Variants in ZNF236 observed in about 807,000 individuals in gnomAD.
The protein encoded by ZNF236 is regulated by glucose.
Under a neutral mutation model 191.2 loss-of-function variants are expected in ZNF236, and 50 were observed. The ratio of observed to expected loss-of-function variants is 0.26; its 90% CI spans 0.21 to 0.33. The LOEUF is 0.33. Ranked by LOEUF, ZNF236 falls within the 10% of genes least tolerant of loss-of-function variation. The pLI is 1.00. For missense variants in ZNF236, 1,754 were observed against 2,374.5 expected, an observed-to-expected ratio of 0.74 and a Z score of 5.43; for synonymous variants, 907 against 928.8, an observed-to-expected ratio of 0.98 and a Z score of 0.43.
intron 19 of ZNF236, among the ~76,000 whole-genome samples, chr18:76,917,235 A>G (rs1221560729): frequency 1.3e-5 from 2 of 152,236 alleles, no homozygotes; most frequent in Admixed American, 1.3e-4. Context: ...CATAAAGTAT[A>G]AAAAGAAAAT....
chr18:76,949,826 T>A (rs1968359130), intron 27 of ZNF236, among the ~76,000 whole-genome samples: 1 of 151,904 alleles, frequency 6.6e-6, no homozygotes, highest in Admixed American at 6.6e-5. Flanking sequence ...ACCTGGCTAA[T>A]TTTTGTATTT....
chr18:76,891,873 G>A (rs1977245892), intron 9 of ZNF236, among the ~76,000 whole-genome samples: 1 of 152,052 alleles, frequency 6.6e-6, no homozygotes, highest in Non-Finnish European at 1.5e-5. Flanking sequence ...TTATTCAAGT[G>A]TTCTGAGTGT....
At chr18:76,959,614 T>C in intron 28 of ZNF236, 73 bp from the exon 29 acceptor site, 1 of 1,521,752 alleles carries the variant, frequency 6.6e-7, no homozygotes, top group Non-Finnish European at 8.8e-7. Context: ...TTTGCAGTGA[T>C]TTGCTTCCTC....
rs924687941 is a variant in ZNF236 at position 76,919,042 on chromosome 18, T to C, written c.3275-734T>C. 2.6e-5 allele frequency among the ~76,000 whole-genome samples: 4 copies of C among 152,236 alleles called. No individual in the cohort carries two copies. The highest frequency in any genetic ancestry group is 9.6e-5 in the African/African-American group (4 of 41,470). The stretch of plus-strand genomic sequence containing the variant: ...TTTTTAGTTGGGGGCTGTTTGCTAA[T>C]TTATTAATTTGGTCTCCCATTTTTG... On this transcript the variant is annotated intron_variant, in intron 19 of 30. Transcript: ENST00000320610. The surrounding 1 kb of genome is among the most constrained non-coding windows in gnomAD (Gnocchi z 5.3).
At position 76,927,999 on chromosome 18, in the gene ZNF236, C is replaced by T. The variant is rs1210346732; in HGVS notation, c.4487C>T (p.Thr1496Ile). Residue 1496 changes from threonine (T) to isoleucine (I), a missense_variant, in exon 25 of 31, where the codon ACC (threonine) becomes ATC (isoleucine). Transcript: ENST00000320610. This position sits in a 1 kb window ranked among gnomAD's most constrained non-coding sequence, Gnocchi z 5.4. ...VSPSGGPHEI[T>I]LTINNSSLSQ... The stretch of plus-strand genomic sequence containing the variant: ...CCCTCCGGCGGTCCCCACGAGATCA[C>T]CCTGACCATTAACAACTCCAGCCTG... The T allele has an allele frequency of 1.9e-6, 3 of 1,614,020 alleles. No homozygotes were observed. Among genetic ancestry groups the T allele is most frequent in the Admixed American group, 1.7e-5 (1 of 59,976 alleles).
chr18:76,885,190 A>G (rs1361190652), intron 9 of ZNF236: 1 of 152,582 alleles, frequency 6.6e-6, no homozygotes, highest in Admixed American at 6.5e-5. Context: ...GCGGCGTGCG[A>G]GGAGGGCAGG....
At chr18:76,907,793 A>G (rs931132753) in intron 13 of ZNF236, among the ~76,000 whole-genome samples, 1 of 150,600 alleles carries the variant, frequency 6.6e-6, no homozygotes, top group Non-Finnish European at 1.5e-5. Context: ...TGCTGGATAC[A>G]CTTTGTGTAT....
At position 76,836,857 on chromosome 18, in the gene ZNF236, G is replaced by A. The variant is rs528149516; in HGVS notation, c.56-12669G>A. ...CTCCCAAAGTGCGGGGATTACAGGC[G>A]TGAGCCACCGCGCCCGGCCTATTTA... On this transcript the variant is annotated intron_variant, in intron 1 of 30. Coordinates refer to ENST00000320610, the MANE Select transcript of ZNF236 (RefSeq NM_001306089.2). Among the ~76,000 whole-genome samples, 3 of 151,662 alleles carry A rather than the reference G, an allele frequency of 2.0e-5. No homozygotes were observed. The East Asian group carries it at 5.9e-4, about 30-fold the overall frequency.
chr18:76,960,870 C>T lies in ZNF236; in HGVS notation c.5419+15C>T. ...CAGCTATGCTGGTGAGAATGCTGCACCCGGGAGTGCGTGCTGTTCGGTGGC... is the reference window on the plus strand; with the variant it reads ...CAGCTATGCTGGTGAGAATGCTGCATCCGGGAGTGCGTGCTGTTCGGTGGC... On this transcript the variant is annotated intron_variant, in intron 30 of 30. Coordinates refer to ENST00000320610, the MANE Select transcript of ZNF236 (RefSeq NM_001306089.2). This position sits in a 1 kb window ranked among gnomAD's most constrained non-coding sequence, Gnocchi z 4.4. 6.2e-7 allele frequency: 1 copy of T among 1,602,924 alleles called. No homozygotes were observed. Among genetic ancestry groups the T allele is most frequent in the Non-Finnish European group, 8.5e-7 (1 of 1,172,654 alleles).
At chr18:76,900,161 A>G (rs1269697412) in intron 11 of ZNF236, among the ~76,000 whole-genome samples, 1 of 152,232 alleles carries the variant, frequency 6.6e-6, no homozygotes, top group African/African-American at 2.4e-5. Flanking sequence ...ATTCCAAAGC[A>G]TAACCTTTAT....
chr18:76,896,013 A>G (rs1308750245), intron 10 of ZNF236, among the ~76,000 whole-genome samples: 1 of 152,046 alleles, frequency 6.6e-6, no homozygotes, highest in African/African-American at 2.4e-5. Flanking sequence ...GACCGTACAC[A>G]GTACCAAACA....
chr18:76,944,996 A>G (rs567002107), intron 26 of ZNF236, among the ~76,000 whole-genome samples: 1 of 152,316 alleles, frequency 6.6e-6, no homozygotes, highest in East Asian at 1.9e-4. Flanking sequence ...ATAATATCAC[A>G]AACAGTTGTT....
intron 9 of ZNF236, chr18:76,886,748 T>G (rs187641021): frequency 6.5e-6 from 1 of 153,876 alleles, no homozygotes; most frequent in Non-Finnish European, 1.5e-5. Context: ...TCATCATAAG[T>G]TCCTTTGTGG....
intron 1 of ZNF236, among the ~76,000 whole-genome samples, chr18:76,824,862 G>A (rs897440032): frequency 6.6e-6 from 1 of 152,122 alleles, no homozygotes; most frequent in Non-Finnish European, 1.5e-5. Context: ...CTCCCTCTCC[G>A]GGCTGGAGAG....
chr18:76,878,133 A>G lies in ZNF236; in HGVS notation c.965A>G (p.Glu322Gly). Residue 322 changes from glutamate to glycine, a missense_variant, in exon 7 of 31, where the codon GAG (glutamate) becomes GGG (glycine). Glu to Gly is a moderately conservative substitution (Grantham distance 98). Coordinates refer to ENST00000320610, the MANE Select transcript of ZNF236 (RefSeq NM_001306089.2). ...GGPQNSTSST[E>G]TAHVLTATLF... ...CCACAGAATTCAACAAGTTCTACAG[A>G]GACTGCTCATGTTTTAACGGTAAGT... 6.2e-7 allele frequency: 1 copy of G among 1,608,642 alleles called. No homozygotes were observed. The highest frequency in any genetic ancestry group is 1.3e-5 in the African/African-American group (1 of 74,956).
chr18:76,936,466 C>T (rs1968002420), intron 25 of ZNF236: 2 of 453,324 alleles, frequency 4.4e-6, no homozygotes, highest in Non-Finnish European at 8.8e-6. Flanking sequence ...TCACCAGATA[C>T]TTTCGTTTCT....
At chr18:76,910,488 C>T (rs532993671) in intron 15 of ZNF236, among the ~76,000 whole-genome samples, 172 bp from the exon 16 acceptor site, 5 of 152,306 alleles carry the variant, frequency 3.3e-5, no homozygotes, top group Admixed American at 6.5e-5. Context: ...TGAGCACAGC[C>T]TCCTGCCTGT....
intron 19 of ZNF236, among the ~76,000 whole-genome samples, chr18:76,918,020 A>G (rs1275435522): frequency 1.3e-5 from 2 of 151,914 alleles, no homozygotes; most frequent in African/African-American, 2.4e-5. Context: ...TTTATGTGCT[A>G]AGAAAAATTA....
At chr18:76,896,078 AC>A (rs1252406037) in intron 10 of ZNF236, among the ~76,000 whole-genome samples, 1 of 151,510 alleles carries the variant, frequency 6.6e-6, no homozygotes, top group Non-Finnish European at 1.5e-5. Context: ...CAAACACAGT[AC>A]TAAATACAGG....
Sources: allele counts gnomAD v4.1 joint callset (sites outside exome capture counted in the v4.1 genomes callset), GRCh38; gene constraint gnomAD v4.1.1; non-coding constraint Gnocchi (gnomAD v3.1); transcripts MANE v1.5; gene names NCBI Gene and HGNC (gene_info 2026-07-23, HGNC 2026-07-21).